The following CSMD3 variants were observed in gnomAD, a reference collection of about 807,000 sequenced individuals.
The protein encoded by CSMD3 is CUB and sushi domain-containing protein 3.
CSMD3 carries 177 observed loss-of-function variants against 435.2 expected under a neutral mutation model. That is an observed-to-expected ratio of 0.41 (90% CI 0.36 to 0.46). CSMD3 has a LOEUF of 0.46. Among genes scored for constraint, CSMD3 ranks in the 20% least tolerant of loss-of-function variants. The pLI, the probability that CSMD3 is intolerant of heterozygous loss-of-function variation, is 0.34. For missense variants in CSMD3, 4,265 were observed against 4,504.6 expected (o/e 0.95, Z 1.52); for synonymous variants, 1,656 against 1,520.5 (o/e 1.09, Z -2.07).
intron 1 of CSMD3, among the ~76,000 whole-genome samples, chr8:113,397,433 T>C (rs2094488813): frequency 6.6e-6 from 1 of 152,158 alleles, no homozygotes; most frequent in Admixed American, 6.6e-5. Flanking sequence ...CGTTACAGTG[T>C]TACAAAGGTT....
intron 27 of CSMD3, among the ~76,000 whole-genome samples, chr8:112,519,248 A>C (rs910995448): frequency 1.4e-4 from 22 of 152,312 alleles, no homozygotes; most frequent in Admixed American, 1.4e-3. Context: ...CTTTTCCTTA[A>C]CATAAATATG....
intron 3 of CSMD3, among the ~76,000 whole-genome samples, chr8:113,195,628 T>C (rs2092642595): frequency 6.6e-6 from 1 of 150,484 alleles, no homozygotes; most frequent in Non-Finnish European, 1.5e-5. Flanking sequence ...TTCTCTAATG[T>C]ACAACAGACT....
chr8:113,363,631 C>A (rs1369131654), intron 1 of CSMD3, among the ~76,000 whole-genome samples: 1 of 152,140 alleles, frequency 6.6e-6, no homozygotes, highest in Non-Finnish European at 1.5e-5. Context: ...TCCATTTTCA[C>A]ATCACCTTCT....
chr8:112,520,456 C>G (rs973570356), intron 27 of CSMD3, among the ~76,000 whole-genome samples: 1 of 151,966 alleles, frequency 6.6e-6, no homozygotes, highest in South Asian at 2.1e-4. Context: ...ACAAACCTAT[C>G]CCATTACCAG....
chr8:112,712,826 C>T (rs2076639230), intron 13 of CSMD3, among the ~76,000 whole-genome samples: 1 of 151,530 alleles, frequency 6.6e-6, no homozygotes, highest in Non-Finnish European at 1.5e-5. Context: ...TGAAGTTTCT[C>T]TCATGACATA....
chr8:112,241,912 T>A lies in CSMD3; in HGVS notation c.10403-127A>T, dbSNP rs942486490. On this transcript the variant is annotated intron_variant, in intron 65 of 70. Coordinates refer to ENST00000297405, the MANE Select transcript of CSMD3 (RefSeq NM_198123.2). Reference sequence around the variant, plus strand: ...CCATTTTATTCTCTGACATTTCACATAGATAGTTTTCTCTAAAATGTTCCG... The same window carrying A: ...CCATTTTATTCTCTGACATTTCACAAAGATAGTTTTCTCTAAAATGTTCCG... 4.0e-6 allele frequency: 3 copies of A among 754,904 alleles called. No individual in the cohort carries two copies. The Admixed American group carries it at 5.5e-5, about 14-fold the overall frequency. 46.8% of individuals were successfully genotyped at this position (754,904 alleles called of 1,614,324 possible).
chr8:113,168,058 T>C (rs1212898904), intron 4 of CSMD3, among the ~76,000 whole-genome samples: 2 of 152,126 alleles, frequency 1.3e-5, no homozygotes, highest in Non-Finnish European at 2.9e-5. Flanking sequence ...CATGACATTT[T>C]TATATTCAAT....
chr8:112,326,784 G>A (rs1165434923), intron 45 of CSMD3, among the ~76,000 whole-genome samples: 2 of 152,184 alleles, frequency 1.3e-5, no homozygotes, highest in Non-Finnish European at 2.9e-5. Flanking sequence ...GGGATGTGAG[G>A]AGAGCAGACC....
At chr8:113,086,808 T>C (rs926272766) in intron 5 of CSMD3, among the ~76,000 whole-genome samples, 1 of 152,194 alleles carries the variant, frequency 6.6e-6, no homozygotes, top group African/African-American at 2.4e-5. Flanking sequence ...TGTATTTTCC[T>C]TGAAAATTGA....
In CSMD3 at chr8:112,293,792, C is replaced by T. The variant is rs116764309; in HGVS notation, c.8615-1082G>A. Reference sequence around the variant, plus strand: ...GTGCTTCCTAATTGGGCACAGGAAACGACCACAGTCACTTTCAGTACTTAG... The same window carrying T: ...GTGCTTCCTAATTGGGCACAGGAAATGACCACAGTCACTTTCAGTACTTAG... On this transcript the variant is annotated intron_variant, in intron 54 of 70. Transcript: ENST00000297405. 4.5e-3 allele frequency among the ~76,000 whole-genome samples: 678 copies of T among 152,148 alleles called. 6 individuals are homozygous for T. Among genetic ancestry groups the T allele is most frequent in the African/African-American group, 0.016 (652 of 41,528 alleles).
intron 6 of CSMD3, among the ~76,000 whole-genome samples, chr8:113,014,103 C>T (rs2131142994): frequency 6.6e-6 from 1 of 152,166 alleles, no homozygotes; most frequent in Non-Finnish European, 1.5e-5. Flanking sequence ...TTGGTGCAGT[C>T]CCAGCAGGCA....
chr8:112,590,936 C>T (rs553765310), intron 22 of CSMD3, among the ~76,000 whole-genome samples: 1 of 151,970 alleles, frequency 6.6e-6, no homozygotes, highest in Non-Finnish European at 1.5e-5. Context: ...GGATTTCCTA[C>T]AAAATAATAA....
chr8:113,156,056 A>G (rs1477014604), intron 4 of CSMD3, among the ~76,000 whole-genome samples: 2 of 151,972 alleles, frequency 1.3e-5, no homozygotes, highest in African/African-American at 2.4e-5. Context: ...GTTTTCCATC[A>G]TTAAGTACTT....
intron 13 of CSMD3, among the ~76,000 whole-genome samples, chr8:112,748,313 A>G (rs1048243873): frequency 4.6e-5 from 7 of 152,174 alleles, no homozygotes; most frequent in Non-Finnish European, 1.0e-4. Flanking sequence ...AATAGTGAAA[A>G]CAATCATAAT....
At chr8:112,473,159 A>G (rs1482688088) in intron 31 of CSMD3, among the ~76,000 whole-genome samples, 2 of 152,172 alleles carry the variant, frequency 1.3e-5, no homozygotes, top group Non-Finnish European at 2.9e-5. Context: ...TAAGTATTCT[A>G]TTTTCTCATC....
chr8:113,099,054 A>C (rs2131548645), intron 4 of CSMD3, 91 bp from the exon 5 acceptor site: 1 of 822,052 alleles, frequency 1.2e-6, no homozygotes, highest in African/African-American at 1.7e-5. Flanking sequence ...TGTTTGGATA[A>C]AAATAACAGT....
At chr8:113,329,246 A>AAT (rs2094009029) in intron 1 of CSMD3, among the ~76,000 whole-genome samples, 1 of 151,708 alleles carries the variant, frequency 6.6e-6, no homozygotes, top group African/African-American at 2.4e-5. Flanking sequence ...GAATTAACTG[A>AAT]AAATGTACAA....
chr8:112,997,859 T>G (rs1345594716), intron 6 of CSMD3, among the ~76,000 whole-genome samples: 3 of 79,220 alleles, frequency 3.8e-5, no homozygotes, highest in Non-Finnish European at 6.7e-5. Flanking sequence ...CATGTATATG[T>G]GTGTATATAT....
At chr8:113,166,968 T>C (rs2092162863) in intron 4 of CSMD3, among the ~76,000 whole-genome samples, 1 of 152,134 alleles carries the variant, frequency 6.6e-6, no homozygotes, top group South Asian at 2.1e-4. Flanking sequence ...ATCTTAATAC[T>C]ATAAGTAAGA....
Sources: gnomAD v4.1 joint callset for allele counts (sites outside exome capture counted in the v4.1 genomes callset) on GRCh38, gnomAD v4.1.1 for gene constraint, MANE v1.5 for transcripts, NCBI Gene and HGNC (gene_info 2026-07-23, HGNC 2026-07-21) for gene names.